ARMCX4: variants seen among roughly 807,000 people sequenced by gnomAD.
ARMCX4 encodes the protein armadillo repeat containing X-linked 4.
In ARMCX4, 3 loss-of-function variants were observed where a neutral mutation model predicts 34.7. The ratio of observed to expected loss-of-function variants is 0.09; its 90% CI spans 0.04 to 0.22. The LOEUF (loss-of-function observed/expected upper bound fraction) is 0.22. ARMCX4 is among the 10% of genes least tolerant of loss of function. The pLI is 1.00. For synonymous variants in ARMCX4, 513 were observed against 632.8 expected (o/e 0.81, Z 2.84); for missense variants, 1,448 against 1,720.8 (o/e 0.84, Z 2.81).
chrX:101,421,514 C>G (rs1555990105), intron 2 of ARMCX4, among the ~76,000 whole-genome samples: 1 of 111,119 alleles, frequency 9.0e-6, no homozygotes. Flanking sequence ...ATAACAATAC[C>G]CGATAGTGGG....
chrX:101,433,247 TAC>T (rs78226665), intron 2 of ARMCX4, among the ~76,000 whole-genome samples: 6,818 of 35,444 alleles, frequency 0.19, 299 homozygotes, highest in South Asian at 0.53. Flanking sequence ...TATGTATATA[TAC>T]ACACATATAT....
chrX:101,475,530 A>C (rs782176720), intron 4 of ARMCX4, among the ~76,000 whole-genome samples: 15 of 111,803 alleles, frequency 1.3e-4, no homozygotes, highest in Non-Finnish European at 2.6e-4. Context: ...TGCAAAAACA[A>C]ATGGCATAAA....
chrX:101,450,777 G>C (rs1555998955), downstream of ARMCX4, among the ~76,000 whole-genome samples: 1 of 111,480 alleles, frequency 9.0e-6, no homozygotes, highest in Non-Finnish European at 1.9e-5. Flanking sequence ...TCAGTCAGCA[G>C]GTGATGGGTC....
rs1367556955 is a variant in ARMCX4, at chrX:101,423,163, G to GC, written n.164+4169dup. 4.6e-5 allele frequency among the ~76,000 whole-genome samples: 5 copies of GC among 109,593 alleles called. No homozygotes were observed. In the East Asian group the frequency reaches 1.2e-3, roughly 26 times the overall value. On this transcript the variant is annotated intron_variant and non_coding_transcript_variant, in intron 2 of 3. Transcript: ENST00000430461. ...GACCTCAGGCGATCCACTGGCCTCG[G>GC]CCCCCCAAAGTGCTGGGATTACAGG...
chrX:101,433,419 T>C (rs1930450833), intron 2 of ARMCX4, among the ~76,000 whole-genome samples: 2 of 110,402 alleles, frequency 1.8e-5, no homozygotes, highest in Admixed American at 1.9e-4. Context: ...TATATACCTG[T>C]ATGTGTATAT....
chrX:101,463,601 G>A (rs1272059930), intron 4 of ARMCX4, among the ~76,000 whole-genome samples: 2 of 111,765 alleles, frequency 1.8e-5, no homozygotes, highest in Non-Finnish European at 3.8e-5. Flanking sequence ...CTTGTCTTCG[G>A]GAAAGACACT....
intron 2 of ARMCX4, among the ~76,000 whole-genome samples, chrX:101,433,947 C>CTT (rs782236846): frequency 5.9e-5 from 6 of 101,428 alleles, no homozygotes; most frequent in Admixed American, 1.1e-4. Context: ...TGGTTATCCA[C>CTT]TTTTTTTTTT....
intron 2 of ARMCX4, among the ~76,000 whole-genome samples, chrX:101,434,372 C>T (rs12840745): frequency 9.1e-6 from 1 of 109,844 alleles, no homozygotes; most frequent in Non-Finnish European, 1.9e-5. Context: ...CTCAGCCTCC[C>T]GAGTAGCTGG....
chrX:101,518,317 G>T (rs1289099436), intron 11 of ARMCX4, among the ~76,000 whole-genome samples: 1 of 111,637 alleles, frequency 9.0e-6, no homozygotes, highest in Non-Finnish European at 1.9e-5. Flanking sequence ...AGCAGAGTTA[G>T]GATATAATTG....
chrX:101,526,065 G>A (rs192468306), intron 11 of ARMCX4, among the ~76,000 whole-genome samples: 25 of 111,342 alleles, frequency 2.2e-4, no homozygotes, highest in African/African-American at 8.2e-4. Flanking sequence ...AGGAAAAAAT[G>A]TTAAGGGCAG....
At chrX:101,459,957 G>A (rs1231712743) in intron 4 of ARMCX4, among the ~76,000 whole-genome samples, 1 of 112,359 alleles carries the variant, frequency 8.9e-6, no homozygotes, top group East Asian at 2.8e-4. Flanking sequence ...GCTGGGCCCT[G>A]CCCCTAGAGT....
downstream of ARMCX4, chrX:101,447,465 C>G (rs781833712): frequency 8.9e-6 from 1 of 111,814 alleles, no homozygotes; most frequent in East Asian, 2.8e-4. Flanking sequence ...TCGACTAAAC[C>G]CTGACAAGGT....
chrX:101,521,270 T>A (rs1355224483), intron 11 of ARMCX4, among the ~76,000 whole-genome samples: 2 of 111,785 alleles, frequency 1.8e-5, no homozygotes, highest in African/African-American at 6.5e-5. Flanking sequence ...TTATTTTGTA[T>A]TTCTTCTTTA....
intron 11 of ARMCX4, among the ~76,000 whole-genome samples, chrX:101,511,324 G>A (rs1257949128): frequency 1.8e-5 from 2 of 110,339 alleles, no homozygotes; most frequent in Non-Finnish European, 3.8e-5. Context: ...CTACTCTTTT[G>A]ATCTTCTATT....
chrX:101,475,858 G>GTA (rs781795050), intron 4 of ARMCX4, among the ~76,000 whole-genome samples: 1,116 of 108,625 alleles, frequency 0.01, 10 homozygotes, highest in African/African-American at 0.034. Context: ...ATGCAAAATA[G>GTA]TATATATATA....
chrX:101,432,850 G>A (rs34844045), intron 2 of ARMCX4, among the ~76,000 whole-genome samples: 38,421 of 86,192 alleles, frequency 0.45, 8,986 homozygotes, highest in Non-Finnish European at 0.6. Context: ...ATACATATGT[G>A]TATATATACA....
chrX:101,493,458 G>A lies in ARMCX4; in HGVS notation c.4869G>A (p.Arg1623=). 8.7e-7 allele frequency: 1 copy of A among 1,155,215 alleles called. No individual in the cohort carries two copies. The highest frequency in any genetic ancestry group is 3.3e-5 in the East Asian group (1 of 30,740). Residue 1623 remains arginine (R), a synonymous_variant, in exon 6 of 6, where the codon AGG becomes AGA. Transcript: ENST00000423738. ...GTGGCCAGGTCCTTGGGGGAGCTAG[G>A]CCGGGGCCTGCAGACCAGTCCAGTG... ...VAGGQVLGGA[R]PGPADQSSGG... is the part of the protein sequence containing the mutation.
chrX:101,441,870 G>T (rs1380715853), intron 2 of ARMCX4, among the ~76,000 whole-genome samples: 10 of 111,281 alleles, frequency 9.0e-5, no homozygotes, highest in African/African-American at 3.3e-4. Flanking sequence ...CTTGTTAGAG[G>T]TGCAAATTCT....
chrX:101,521,035 G>T (rs1352225474), intron 11 of ARMCX4, among the ~76,000 whole-genome samples: 2 of 107,469 alleles, frequency 1.9e-5, no homozygotes, highest in African/African-American at 6.8e-5. Flanking sequence ...GGGTTGAAGC[G>T]ATCCTCCTTC....
Sources: gnomAD v4.1 joint callset for allele counts (sites outside exome capture counted in the v4.1 genomes callset) on GRCh38, gnomAD v4.1.1 for gene constraint, MANE v1.5 for transcripts, NCBI Gene and HGNC (gene_info 2026-07-23, HGNC 2026-07-21) for gene names.